Variants in CDS2 observed in about 807,000 individuals in gnomAD.
The protein encoded by CDS2 is phosphatidate cytidylyltransferase 2.
In CDS2, 47 loss-of-function variants were observed where a neutral mutation model predicts 59.0. The observed-to-expected ratio is 0.80, with a 90% CI of 0.63 to 1.02. The LOEUF (loss-of-function observed/expected upper bound fraction) is 1.02. Ranked by LOEUF, CDS2 falls within the 50% of genes least tolerant of loss-of-function variation. The pLI, the probability that CDS2 is intolerant of heterozygous loss-of-function variation, is 0.00. For synonymous variants in CDS2, 207 were observed against 206.4 expected (o/e 1.00, Z -0.02); for missense variants, 356 against 558.9 (o/e 0.64, Z 3.66).
At chr20:5,129,659 C>T (rs893758334) in intron 1 of CDS2, among the ~76,000 whole-genome samples, 3 of 152,080 alleles carry the variant, frequency 2.0e-5, no homozygotes, top group African/African-American at 4.8e-5. Context: ...TCAGGCTGGC[C>T]TCAAACTCCC....
At chr20:5,177,784 G>A (rs1023938464) in intron 4 of CDS2, among the ~76,000 whole-genome samples, 1 of 152,202 alleles carries the variant, frequency 6.6e-6, no homozygotes, top group Non-Finnish European at 1.5e-5. Flanking sequence ...CCAACAGACA[G>A]GCTGCCTCCC....
chr20:5,165,321 G>C (rs1314159351), intron 1 of CDS2, among the ~76,000 whole-genome samples: 1 of 152,204 alleles, frequency 6.6e-6, no homozygotes, highest in African/African-American at 2.4e-5. Context: ...TAGTGCTACT[G>C]AGTGCAAAAA....
chr20:5,170,097 C>G (rs1238287856), intron 1 of CDS2, among the ~76,000 whole-genome samples: 3 of 152,118 alleles, frequency 2.0e-5, no homozygotes, highest in Non-Finnish European at 4.4e-5. Context: ...AACAACCTTC[C>G]GAGACAGGGA....
chr20:5,188,547 T>C (rs1168427937), intron 10 of CDS2, among the ~76,000 whole-genome samples: 1 of 152,226 alleles, frequency 6.6e-6, no homozygotes, highest in Admixed American at 6.5e-5. Flanking sequence ...ACTCCTCTTA[T>C]TGATTTAAAA....
intron 9 of CDS2, 136 bp downstream of exon 9, chr20:5,185,962 G>A: frequency 2.5e-6 from 2 of 804,170 alleles, no homozygotes; most frequent in East Asian, 5.1e-5. Flanking sequence ...GCCCTGAAGA[G>A]GGCCACTGGC....
At chr20:5,151,459 A>G (rs1460110140) in intron 1 of CDS2, among the ~76,000 whole-genome samples, 2 of 152,210 alleles carry the variant, frequency 1.3e-5, no homozygotes, top group African/African-American at 4.8e-5. Context: ...AGTTAAAACT[A>G]AGATTTAAAA....
Position 5,195,106 on chromosome 20 carries a change from A to G in CDS2, c.*4872A>G, listed in dbSNP as rs768356868. 1 of 152,152 alleles carries G rather than the reference A, an allele frequency of 6.6e-6. No individual in the cohort carries two copies. The highest frequency in any genetic ancestry group is 1.5e-5 in the Non-Finnish European group (1 of 68,054). 9.4% of individuals were successfully genotyped at this position (152,152 alleles called of 1,614,324 possible). A position where few individuals can be genotyped will look rare whatever the true frequency, so the allele number is the denominator to read the frequency against. On this transcript the variant is annotated 3_prime_UTR_variant, in exon 13 of 13. Coordinates refer to ENST00000460006, the MANE Select transcript of CDS2 (RefSeq NM_003818.4). ...ACCTTGAAGGCAGTTGGGTCTGATA[A>G]TAGTACCTTCTTCCTGGGGTGGTTG...
chr20:5,178,465 A>G (rs570673344), intron 4 of CDS2, among the ~76,000 whole-genome samples: 2 of 152,278 alleles, frequency 1.3e-5, no homozygotes, highest in East Asian at 3.9e-4. Context: ...CCTGTTGGGA[A>G]GAGTGGAAAC....
In CDS2 at chr20:5,190,340, TC is replaced by T; in HGVS notation, c.*107del. 50 of 1,042,904 alleles carry T rather than the reference TC, an allele frequency of 4.8e-5. No individual in the cohort carries two copies. The highest frequency in any genetic ancestry group is 6.7e-5 in the South Asian group (3 of 44,970). The allele number at this position is 1,042,904 out of a possible 1,614,324, so 64.6% of individuals were successfully genotyped here. On this transcript the variant is annotated 3_prime_UTR_variant, in exon 13 of 13. Coordinates refer to ENST00000460006, the MANE Select transcript of CDS2 (RefSeq NM_003818.4). Reference sequence around the variant, plus strand: ...ACAATGACGAGGCTTCAACTCACTGTCTTTTTTTTTTTTTTTTGGAGGGTAT... The same window carrying T: ...ACAATGACGAGGCTTCAACTCACTGTTTTTTTTTTTTTTTTTGGAGGGTAT...
rs1160539577 is a variant in CDS2 at position 5,185,055 on chromosome 20, C to G, written c.759+110C>G. The G allele has an allele frequency of 5.0e-6, 4 of 799,574 alleles. No homozygotes were observed. In the East Asian group the frequency reaches 9.9e-5, roughly 20 times the overall value. 49.5% of individuals were successfully genotyped at this position (799,574 alleles called of 1,614,324 possible). A position where few individuals can be genotyped will look rare whatever the true frequency, so the allele number is the denominator to read the frequency against. On this transcript the variant is annotated intron_variant, in intron 8 of 12. Coordinates refer to ENST00000460006, the MANE Select transcript of CDS2 (RefSeq NM_003818.4). ...GAAATCTAGCTGTGTTGTATTGTGG[C>G]CATGTCTTCATGTCTTCCTGGAGAA... is the stretch of plus-strand genomic sequence containing the variant.
At chr20:5,171,544 C>T (rs996622385) in intron 1 of CDS2, among the ~76,000 whole-genome samples, 1 of 152,182 alleles carries the variant, frequency 6.6e-6, no homozygotes, top group African/African-American at 2.4e-5. Flanking sequence ...TTACTGGCAA[C>T]TGGTGGTTGC....
chr20:5,145,228 A>C, intron 1 of CDS2, among the ~76,000 whole-genome samples: 1 of 135,080 alleles, frequency 7.4e-6, no homozygotes, highest in African/African-American at 2.8e-5. Flanking sequence ...AATGGGTAGA[A>C]AGGAAAGACC....
At chr20:5,158,164 CTTT>C (rs397865587) in intron 1 of CDS2, among the ~76,000 whole-genome samples, 7 of 107,842 alleles carry the variant, frequency 6.5e-5, no homozygotes, top group Non-Finnish European at 5.9e-5. Flanking sequence ...TGCTTTAGGT[CTTT>C]TTTTTTTTTT....
At chr20:5,160,022 C>T (rs911870340) in intron 1 of CDS2, among the ~76,000 whole-genome samples, 4 of 152,062 alleles carry the variant, frequency 2.6e-5, no homozygotes, top group African/African-American at 9.7e-5. Context: ...GGTTGATATG[C>T]CTTCTTCATT....
At position 5,191,019 on chromosome 20, in the gene CDS2, G is replaced by C. The variant is rs1380583705; in HGVS notation, c.*785G>C. The C allele has an allele frequency of 6.6e-6, 1 of 152,588 alleles. No homozygotes were observed. Among genetic ancestry groups the C allele is most frequent in the African/African-American group, 2.4e-5 (1 of 41,430 alleles). 9.5% of individuals were successfully genotyped at this position (152,588 alleles called of 1,614,324 possible). The stretch of plus-strand genomic sequence containing the variant: ...AGGTCCACCTAACTGTGTGTTTTCA[G>C]GGACAATGCCATCCATGTTTGTGCT... On this transcript the variant is annotated 3_prime_UTR_variant, in exon 13 of 13. Transcript: ENST00000460006.
chr20:5,195,805 G>T lies in CDS2; in HGVS notation c.*5571G>T, dbSNP rs1382579090. ...TAAAAGTAGTAACCGGGTAGAAGTG[G>T]GTGACCCATTGAGGACACATGATGT... On this transcript the variant is annotated 3_prime_UTR_variant, in exon 13 of 13. Transcript: ENST00000460006. 1 of 152,202 alleles carries T rather than the reference G, an allele frequency of 6.6e-6. No individual in the cohort carries two copies. Among genetic ancestry groups the T allele is most frequent in the African/African-American group, 2.4e-5 (1 of 41,432 alleles). 9.4% of individuals were successfully genotyped at this position (152,202 alleles called of 1,614,324 possible).
At chr20:5,178,308 GC>G (rs2123049467) in intron 4 of CDS2, among the ~76,000 whole-genome samples, 1 of 152,348 alleles carries the variant, frequency 6.6e-6, no homozygotes, top group East Asian at 1.9e-4. Context: ...GTTAGGTCAT[GC>G]AAAGTTTTAT....
intron 10 of CDS2, 113 bp downstream of exon 10, chr20:5,186,952 T>G: frequency 8.2e-7 from 1 of 1,212,150 alleles, no homozygotes; most frequent in South Asian, 1.3e-5. Context: ...CCCAAAGCTG[T>G]AAGCCCCAGG....
At chr20:5,183,916 T>C (rs1464140575) in intron 7 of CDS2, among the ~76,000 whole-genome samples, 2 of 152,290 alleles carry the variant, frequency 1.3e-5, no homozygotes, top group South Asian at 2.1e-4. Flanking sequence ...CCAACACTTT[T>C]GGAGGCCAAG....
Sources: gnomAD v4.1 joint callset for allele counts (sites outside exome capture counted in the v4.1 genomes callset) on GRCh38, gnomAD v4.1.1 for gene constraint, MANE v1.5 for transcripts, NCBI Gene and HGNC (gene_info 2026-07-23, HGNC 2026-07-21) for gene names.